The following DPP10 variants were observed in gnomAD, a reference collection of about 807,000 sequenced individuals.
DPP10 encodes dipeptidyl peptidase like 10, also known as inactive dipeptidyl peptidase 10.
A neutral mutation model predicts 120.9 loss-of-function variants in DPP10; 33 were observed. That is an observed-to-expected ratio of 0.27 (90% CI 0.21 to 0.37). The LOEUF (loss-of-function observed/expected upper bound fraction) is 0.37. DPP10 is among the 10% of genes least tolerant of loss of function. DPP10 has a pLI of 1.00. For missense variants in DPP10, 816 were observed against 942.8 expected (o/e 0.87, Z 1.76); for synonymous variants, 337 against 326.1 (o/e 1.03, Z -0.36).
chr2:115,527,360 CATATTGGCTTA>C (rs2078194857), intron 5 of DPP10, among the ~76,000 whole-genome samples: 1 of 152,120 alleles, frequency 6.6e-6, no homozygotes, highest in South Asian at 2.1e-4. Context: ...ACAAAAACAT[CATATTGGCTTA>C]AGCCACACAC....
intron 1 of DPP10, among the ~76,000 whole-genome samples, chr2:114,708,651 G>A (rs1051835597): frequency 2.6e-5 from 4 of 152,208 alleles, no homozygotes; most frequent in Non-Finnish European, 5.9e-5. Flanking sequence ...AAGGAGGAAA[G>A]AAAAGCAAGA....
At chr2:115,283,854 C>T (rs996970032) in intron 1 of DPP10, among the ~76,000 whole-genome samples, 2 of 151,960 alleles carry the variant, frequency 1.3e-5, no homozygotes, top group Admixed American at 1.3e-4. Flanking sequence ...CCAAGTGTTA[C>T]AACTGCCTGT....
intron 5 of DPP10, among the ~76,000 whole-genome samples, chr2:115,678,042 GA>G (rs1271081575): frequency 6.6e-6 from 1 of 152,102 alleles, no homozygotes; most frequent in Non-Finnish European, 1.5e-5. Context: ...ATATATTTTT[GA>G]AAACTCAAAA....
chr2:114,956,546 C>A (rs1451045320), intron 1 of DPP10, among the ~76,000 whole-genome samples: 1 of 152,054 alleles, frequency 6.6e-6, no homozygotes, highest in Non-Finnish European at 1.5e-5. Context: ...ACATTCAATG[C>A]AGTCTGTATG....
chr2:115,248,015 A>G (rs1574155775), intron 1 of DPP10, among the ~76,000 whole-genome samples: 2 of 152,186 alleles, frequency 1.3e-5, no homozygotes, highest in South Asian at 4.1e-4. Context: ...TTTCCAGTTC[A>G]GGGGATTGCA....
chr2:115,836,869 AAGAATC>A, intron 24 of DPP10, 123 bp downstream of exon 24: 1 of 793,774 alleles, frequency 1.3e-6, no homozygotes, highest in African/African-American at 1.7e-5. Context: ...GAGTCACACA[AAGAATC>A]AGATACATGA....
At chr2:114,781,147 A>C (rs1241645849) in intron 1 of DPP10, among the ~76,000 whole-genome samples, 2 of 152,138 alleles carry the variant, frequency 1.3e-5, no homozygotes, top group Non-Finnish European at 2.9e-5. Context: ...ACACAATAAC[A>C]TTTTGTAGAG....
At chr2:115,380,207 C>G (rs577763388) in intron 3 of DPP10, among the ~76,000 whole-genome samples, 21 of 152,214 alleles carry the variant, frequency 1.4e-4, no homozygotes, top group Admixed American at 2.0e-4. Context: ...GTAGGTCACT[C>G]AGGACTTGCT....
At chr2:115,602,514 T>A (rs149348447) in intron 5 of DPP10, among the ~76,000 whole-genome samples, 35 of 152,324 alleles carry the variant, frequency 2.3e-4, no homozygotes, top group African/African-American at 7.5e-4. Context: ...AAAAAATTAT[T>A]TTTTTAGTCT....
intron 1 of DPP10, among the ~76,000 whole-genome samples, chr2:114,449,964 G>C (rs1269623955): frequency 6.6e-6 from 1 of 152,030 alleles, no homozygotes; most frequent in African/African-American, 2.4e-5. Context: ...AGGGAGGTAG[G>C]GGAAGAAGAT....
At chr2:115,269,450 G>C (rs1166695986) in intron 1 of DPP10, among the ~76,000 whole-genome samples, 1 of 152,066 alleles carries the variant, frequency 6.6e-6, no homozygotes. Context: ...CTAAAATGAG[G>C]TTCCAGTTAA....
chr2:114,560,894 C>T (rs1357793674), intron 1 of DPP10, among the ~76,000 whole-genome samples: 1 of 152,206 alleles, frequency 6.6e-6, no homozygotes, highest in Non-Finnish European at 1.5e-5. Flanking sequence ...TCGCTGGCTC[C>T]TTGGGGAGAA....
chr2:115,010,097 C>G (rs1255892213), intron 1 of DPP10, among the ~76,000 whole-genome samples: 1 of 152,084 alleles, frequency 6.6e-6, no homozygotes, highest in Non-Finnish European at 1.5e-5. Context: ...TTTAATAAAC[C>G]TTACTTAAAT....
At chr2:115,351,681 T>C (rs545552243) in intron 3 of DPP10, among the ~76,000 whole-genome samples, 3 of 152,224 alleles carry the variant, frequency 2.0e-5, no homozygotes, top group Admixed American at 6.6e-5. Flanking sequence ...TTCAGAGTTA[T>C]ATATGACAAA....
intron 1 of DPP10, among the ~76,000 whole-genome samples, chr2:114,753,250 C>T (rs1679398791): frequency 6.6e-6 from 1 of 152,142 alleles, no homozygotes; most frequent in South Asian, 2.1e-4. Context: ...CAATAGCCCT[C>T]CTCCCAAAGA....
intron 1 of DPP10, among the ~76,000 whole-genome samples, chr2:114,471,027 T>C (rs1679862214): frequency 6.6e-6 from 1 of 152,200 alleles, no homozygotes; most frequent in Admixed American, 6.6e-5. Context: ...TGGAGGGCAG[T>C]AGATGAGACA....
intron 1 of DPP10, among the ~76,000 whole-genome samples, chr2:114,577,976 C>A (rs1224071761): frequency 2.6e-5 from 4 of 152,110 alleles, no homozygotes; most frequent in Non-Finnish European, 5.9e-5. Context: ...AACTCTAATT[C>A]CAGGTGAAAT....
chr2:115,524,709 T>A (rs1031232570), intron 4 of DPP10, among the ~76,000 whole-genome samples: 1 of 152,120 alleles, frequency 6.6e-6, no homozygotes, highest in Admixed American at 6.6e-5. Flanking sequence ...CCTGAAACTA[T>A]AAGCTAACGC....
At chr2:115,113,176 AAC>A (rs902968787) in intron 1 of DPP10, among the ~76,000 whole-genome samples, 1 of 34 alleles carries the variant, frequency 0.029, no homozygotes, top group Non-Finnish European at 0.056. Flanking sequence ...TAAAATATAT[AAC>A]ACATACAATA....
Sources: gnomAD v4.1 joint callset for allele counts (sites outside exome capture counted in the v4.1 genomes callset) on GRCh38, gnomAD v4.1.1 for gene constraint, MANE v1.5 for transcripts, NCBI Gene and HGNC (gene_info 2026-07-23, HGNC 2026-07-21) for gene names.